Variants in RAB38 observed in about 807,000 individuals in gnomAD.
RAB38 encodes RAB38, member RAS oncogene family, also known as ras-related protein Rab-38.
RAB38 carries 15 observed loss-of-function variants against 18.4 expected under a neutral mutation model. The ratio of observed to expected loss-of-function variants is 0.82; its 90% CI spans 0.55 to 1.26. RAB38 has a LOEUF of 1.26. Among genes scored for constraint, RAB38 ranks in the 50% most tolerant of loss-of-function variants. RAB38 has a pLI of 0.00. For missense variants in RAB38, 294 were observed against 267.4 expected, an observed-to-expected ratio of 1.10 and a Z score of -0.69; for synonymous variants, 101 against 104.4, an observed-to-expected ratio of 0.97 and a Z score of 0.20.
the RAB38 span, chr11:88,060,300 A>G: frequency 1.3e-5 from 2 of 152,176 alleles, no homozygotes; most frequent in African/African-American, 4.8e-5. Context: ...GCTTGCATCT[A>G]TCTCTCTGTG....
At chr11:87,851,143 C>CAA in the RAB38 span, among the ~76,000 whole-genome samples, 1 of 152,176 alleles carries the variant, frequency 6.6e-6, no homozygotes, top group Non-Finnish European at 1.5e-5. Flanking sequence ...ACACCTCCTT[C>CAA]AAATGAGTAT....
chr11:87,818,637 A>G, the RAB38 span, among the ~76,000 whole-genome samples: 1 of 152,206 alleles, frequency 6.6e-6, no homozygotes, highest in Admixed American at 6.5e-5. Flanking sequence ...GATAGACTTG[A>G]ATGAAACCCA....
chr11:88,098,921 G>T, the RAB38 span, among the ~76,000 whole-genome samples: 1 of 151,796 alleles, frequency 6.6e-6, no homozygotes, highest in African/African-American at 2.4e-5. Flanking sequence ...GCATGATACT[G>T]AAAAATATTT....
the RAB38 span, among the ~76,000 whole-genome samples, chr11:88,105,522 T>G: frequency 6.6e-6 from 1 of 152,182 alleles, no homozygotes; most frequent in Non-Finnish European, 1.5e-5. Flanking sequence ...AAATCAGGAC[T>G]TATACACAGT....
At chr11:88,122,681 A>G (rs1044845047) in intron 2 of RAB38, among the ~76,000 whole-genome samples, 2 of 152,244 alleles carry the variant, frequency 1.3e-5, no homozygotes, top group Non-Finnish European at 2.9e-5. Flanking sequence ...CACATATAGG[A>G]TAAACTACTT....
the RAB38 span, among the ~76,000 whole-genome samples, chr11:88,108,185 CTG>C: frequency 1.4e-4 from 22 of 152,142 alleles, no homozygotes; most frequent in Admixed American, 1.2e-3. Flanking sequence ...TGTTAATTTT[CTG>C]TCTCATTGAT....
rs111564747 is a variant in RAB38, at chr11:88,154,164, T to C, written c.203-4209A>G. ...CCTAGAGCTAACTTGTGGAGTTTCT[T>C]GGAGACATTGTGAGGAAAAGACGTG... On this transcript the variant is annotated intron_variant, in intron 1 of 2. Transcript: ENST00000243662. Among the ~76,000 whole-genome samples, 1,003 of 152,308 alleles carry C rather than the reference T, an allele frequency of 6.6e-3. 5 individuals are homozygous for C. Among genetic ancestry groups the C allele is most frequent in the Non-Finnish European group, 0.011 (762 of 68,016 alleles).
At chr11:87,858,293 C>G in the RAB38 span, among the ~76,000 whole-genome samples, 1 of 152,070 alleles carries the variant, frequency 6.6e-6, no homozygotes, top group African/African-American at 2.4e-5. Context: ...TCTCTGATCC[C>G]AGACCAGAAC....
At chr11:88,020,422 G>T in the RAB38 span, among the ~76,000 whole-genome samples, 1,144 of 152,182 alleles carry the variant, frequency 7.5e-3, 15 homozygotes, top group African/African-American at 0.026. Flanking sequence ...ACATTTATAC[G>T]CTCCCAACAC....
the RAB38 span, among the ~76,000 whole-genome samples, chr11:88,085,060 A>C: frequency 4.6e-5 from 7 of 151,916 alleles, no homozygotes; most frequent in African/African-American, 1.7e-4. Flanking sequence ...ACAGGTGTAG[A>C]GAAACCACAA....
chr11:87,822,173 G>A, the RAB38 span, among the ~76,000 whole-genome samples: 1 of 151,900 alleles, frequency 6.6e-6, no homozygotes, highest in Middle Eastern at 3.4e-3. Context: ...ATGTCATCCA[G>A]GTGAGATAAG....
the RAB38 span, among the ~76,000 whole-genome samples, chr11:88,017,819 C>G: frequency 6.6e-6 from 1 of 151,054 alleles, no homozygotes; most frequent in Admixed American, 6.6e-5. Context: ...TGGCTATGTC[C>G]CCATCCAAAT....
At chr11:87,971,539 C>T in the RAB38 span, among the ~76,000 whole-genome samples, 2 of 152,066 alleles carry the variant, frequency 1.3e-5, no homozygotes, top group African/African-American at 4.8e-5. Context: ...TTTTTCTCTC[C>T]TTGCCACTCC....
At chr11:87,846,261 A>C in the RAB38 span, among the ~76,000 whole-genome samples, 1,093 of 152,162 alleles carry the variant, frequency 7.2e-3, 17 homozygotes, top group African/African-American at 0.025. Context: ...TAATTACATA[A>C]AACGTTATTG....
the RAB38 span, among the ~76,000 whole-genome samples, chr11:87,922,873 A>G: frequency 6.6e-6 from 1 of 151,406 alleles, no homozygotes; most frequent in Non-Finnish European, 1.5e-5. Flanking sequence ...ATAAAGGAAG[A>G]AAAATGGATG....
the RAB38 span, among the ~76,000 whole-genome samples, chr11:88,028,509 A>G: frequency 6.6e-6 from 1 of 152,336 alleles, no homozygotes; most frequent in African/African-American, 2.4e-5. Context: ...TATAACTAGC[A>G]TAACCAATAC....
the RAB38 span, among the ~76,000 whole-genome samples, chr11:87,865,799 A>G: frequency 6.6e-6 from 1 of 151,744 alleles, no homozygotes; most frequent in African/African-American, 2.4e-5. Context: ...TATATGACAG[A>G]AAGAGGAAGG....
At chr11:88,095,300 C>T in the RAB38 span, among the ~76,000 whole-genome samples, 1 of 151,436 alleles carries the variant, frequency 6.6e-6, no homozygotes, top group African/African-American at 2.4e-5. Flanking sequence ...ACATTTGTAC[C>T]TCCTCTCTTC....
the RAB38 span, among the ~76,000 whole-genome samples, chr11:88,027,688 C>A: frequency 6.6e-6 from 1 of 151,278 alleles, no homozygotes; most frequent in Non-Finnish European, 1.5e-5. Flanking sequence ...CCGCCATTGC[C>A]CAGGCTTGCT....
Sources: gnomAD v4.1 joint callset for allele counts (sites outside exome capture counted in the v4.1 genomes callset) on GRCh38, gnomAD v4.1.1 for gene constraint, MANE v1.5 for transcripts, NCBI Gene and HGNC (gene_info 2026-07-23, HGNC 2026-07-21) for gene names.